DDX25: variants seen among roughly 807,000 people sequenced by gnomAD.
DDX25 encodes DEAD-box helicase 25.
Under a neutral mutation model 64.6 loss-of-function variants are expected in DDX25, and 70 were observed. The observed-to-expected ratio is 1.08, with a 90% confidence interval of 0.89 to 1.32. The LOEUF is 1.32. Among genes scored for constraint, DDX25 ranks in the 40% most tolerant of loss-of-function variants. DDX25 has a pLI of 0.00. For synonymous variants in DDX25, 211 were observed against 213.3 expected (o/e 0.99, Z 0.09); for missense variants, 587 against 604.4 (o/e 0.97, Z 0.30).
chr11:125,918,141 A>G (rs1945063873), intron 9 of DDX25, among the ~76,000 whole-genome samples: 1 of 152,138 alleles, frequency 6.6e-6, no homozygotes, highest in African/African-American at 2.4e-5. Flanking sequence ...TTGGCCTCCC[A>G]AAGTGCTGGG....
At chr11:125,916,621 A>AATG (rs1945041011) in intron 8 of DDX25, among the ~76,000 whole-genome samples, 1 of 152,156 alleles carries the variant, frequency 6.6e-6, no homozygotes. Flanking sequence ...CAAGATATAT[A>AATG]ATGCCTGCTG....
At chr11:125,916,023 C>G (rs1945031990) in intron 8 of DDX25, among the ~76,000 whole-genome samples, 1 of 152,170 alleles carries the variant, frequency 6.6e-6, no homozygotes, top group African/African-American at 2.4e-5. Context: ...GGTAGACGGT[C>G]TGACATCATT....
chr11:125,908,075 A>G, intron 4 of DDX25, 121 bp from the exon 5 acceptor site: 1 of 752,604 alleles, frequency 1.3e-6, no homozygotes, highest in Non-Finnish European at 2.1e-6. Flanking sequence ...TCTATCTCCA[A>G]ATACTAGTTT....
At position 125,922,993 on chromosome 11, in the gene DDX25, T is replaced by C; in HGVS notation, c.*112T>C. The stretch of plus-strand genomic sequence containing the variant: ...TTTTTCGACGTGAAACTGTCACAGA[T>C]GGCAAAATAAATGTCACGGTACTTA... On this transcript the variant is annotated 3_prime_UTR_variant, in exon 12 of 12. Transcript: ENST00000263576. The C allele has an allele frequency of 1.1e-6, 1 of 935,948 alleles. No individual in the cohort carries two copies. The highest frequency in any genetic ancestry group is 1.7e-5 in the African/African-American group (1 of 59,980). The allele number at this position is 935,948 out of a possible 1,614,324, so 58.0% of individuals were successfully genotyped here.
At position 125,926,612 on chromosome 11, in the gene DDX25, G is replaced by C. The variant is rs951020538; in HGVS notation, c.*3731G>C. On this transcript the variant is annotated 3_prime_UTR_variant, in exon 12 of 12. Transcript: ENST00000263576. ...GGCTGGAGTGCAGTGGCGTGATCTC[G>C]GCTCACTGCAAACTCTGCCTCCCCG... 6.6e-6 allele frequency: 1 copy of C among 150,686 alleles called. No homozygotes were observed. The highest frequency in any genetic ancestry group is 6.6e-5 in the Admixed American group (1 of 15,108). The allele number at this position is 150,686 out of a possible 1,614,324, so 9.3% of individuals were successfully genotyped here.
At chr11:125,915,187 TGTTG>T (rs1239946976) in intron 8 of DDX25, among the ~76,000 whole-genome samples, 1 of 152,208 alleles carries the variant, frequency 6.6e-6, no homozygotes, top group Non-Finnish European at 1.5e-5. Flanking sequence ...AGAGCATTTA[TGTTG>T]GTTGATCAGC....
At chr11:125,909,616 TGG>T (rs1429591993) in intron 6 of DDX25, among the ~76,000 whole-genome samples, 1 of 151,740 alleles carries the variant, frequency 6.6e-6, no homozygotes, top group East Asian at 1.9e-4. Context: ...ATAAACAGAT[TGG>T]ATCAAGCAAG....
chr11:125,906,188 A>C lies in DDX25; in HGVS notation c.290A>C (p.Lys97Thr). 6.5e-7 allele frequency: 1 copy of C among 1,539,534 alleles called. No individual in the cohort carries two copies. Among genetic ancestry groups the C allele is most frequent in the Non-Finnish European group, 8.7e-7 (1 of 1,143,932 alleles). Residue 97 changes from lysine to threonine, a missense_variant, in exon 4 of 12, where the codon AAG becomes ACG. Physicochemically the swap from Lys to Thr is moderately conservative, Grantham distance 78. Transcript: ENST00000263576. ...CCCAGCTCTCCACTTTACTCAGTAA[A>C]GACATTTGAAGAGCTGCGGCTGTGA... ...KDPSSPLYSV[K>T]TFEELRLKEE...
chr11:125,903,999 T>C (rs1427539367), upstream of DDX25, among the ~76,000 whole-genome samples: 6 of 152,246 alleles, frequency 3.9e-5, no homozygotes, highest in South Asian at 6.2e-4. Flanking sequence ...CTGCTTCCTT[T>C]CCGCAACTGT....
intron 10 of DDX25, among the ~76,000 whole-genome samples, chr11:125,920,362 G>A (rs963990986): frequency 8.6e-5 from 13 of 151,968 alleles, no homozygotes; most frequent in Non-Finnish European, 8.8e-5. Context: ...GCTTGAACCC[G>A]GGAGGCAGAG....
At position 125,922,911 on chromosome 11, in the gene DDX25, C is replaced by G. The variant is rs746280449; in HGVS notation, c.*30C>G. On this transcript the variant is annotated 3_prime_UTR_variant, in exon 12 of 12. Coordinates refer to ENST00000263576, the MANE Select transcript of DDX25 (RefSeq NM_013264.5). ...AGAACTTTATTGTTTGTGCAGTATCCTAGTTTATGTGAGAATGTCTCAGTG... is the reference window on the plus strand; with the variant it reads ...AGAACTTTATTGTTTGTGCAGTATCGTAGTTTATGTGAGAATGTCTCAGTG... The G allele has an allele frequency of 2.5e-6, 4 of 1,576,638 alleles. No homozygotes were observed. The Admixed American group carries it at 7.3e-5, about 29-fold the overall frequency.
chr11:125,922,558 G>A, intron 11 of DDX25: 1 of 360,742 alleles, frequency 2.8e-6, no homozygotes, highest in Non-Finnish European at 5.0e-6. Flanking sequence ...TGCAGTAGAA[G>A]AGCCTCAGTC....
intron 7 of DDX25, 45 bp from the exon 8 acceptor site, chr11:125,911,266 A>G: frequency 6.5e-7 from 1 of 1,546,136 alleles, no homozygotes; most frequent in Non-Finnish European, 8.7e-7. Context: ...GACCTGTTGG[A>G]GTTGTTTGCA....
At position 125,917,709 on chromosome 11, in the gene DDX25, A is replaced by T. The variant is rs543508181; in HGVS notation, c.1038+458A>T. On this transcript the variant is annotated intron_variant, in intron 9 of 11. Coordinates refer to ENST00000263576, the MANE Select transcript of DDX25 (RefSeq NM_013264.5). ...GGTCTCCTCTCTCTCATTCACTCCC[A>T]TATCCACTGCACTAGACCAGCACCT... is the stretch of plus-strand genomic sequence containing the variant. Among the ~76,000 whole-genome samples, 303 of 152,276 alleles carry T rather than the reference A, an allele frequency of 2.0e-3. 1 individual carries two copies. The highest frequency in any genetic ancestry group is 7.0e-3 in the African/African-American group (292 of 41,550).
chr11:125,924,053 G>C lies in DDX25; in HGVS notation c.*1172G>C, dbSNP rs1945145557. 6.6e-6 allele frequency: 1 copy of C among 152,252 alleles called. No individual in the cohort carries two copies. Among genetic ancestry groups the C allele is most frequent in the African/African-American group, 2.4e-5 (1 of 41,430 alleles). The allele number at this position is 152,252 out of a possible 1,614,324, so 9.4% of individuals were successfully genotyped here. ...GAGGCCAAGGAGGGCGGATCACGAG[G>C]TCAGGAGTTAAGACCAGCCTTACCA... On this transcript the variant is annotated 3_prime_UTR_variant, in exon 12 of 12. Transcript: ENST00000263576.
Position 125,928,716 on chromosome 11 carries a change from T to G in DDX25, c.*5835T>G, listed in dbSNP as rs1328488996. 5.9e-5 allele frequency: 9 copies of G among 152,252 alleles called. No homozygotes were observed. The highest frequency in any genetic ancestry group is 1.3e-4 in the Non-Finnish European group (9 of 68,030). 9.4% of individuals were successfully genotyped at this position (152,252 alleles called of 1,614,324 possible). A position where few individuals can be genotyped will look rare whatever the true frequency, so the allele number is the denominator to read the frequency against. ...AAAGTGGTTCATCATTTGAAAAGCA[T>G]CTGTAGTGTTCTTTGCCCATTTATC... On this transcript the variant is annotated 3_prime_UTR_variant, in exon 12 of 12. Transcript: ENST00000263576.
intron 10 of DDX25, chr11:125,920,925 C>T (rs1346334413): frequency 9.0e-4 from 186 of 206,246 alleles, no homozygotes; most frequent in South Asian, 1.9e-3. Flanking sequence ...CACATACACA[C>T]ACACACACAC....
intron 8 of DDX25, among the ~76,000 whole-genome samples, chr11:125,912,419 C>T (rs894774216): frequency 6.6e-6 from 1 of 152,176 alleles, no homozygotes; most frequent in African/African-American, 2.4e-5. Flanking sequence ...ATTACAGTTG[C>T]CCCTCCGTAT....
upstream of DDX25, chr11:125,904,398 C>T (rs1044261820): frequency 1.8e-5 from 18 of 992,948 alleles, no homozygotes; most frequent in Non-Finnish European, 2.4e-5. Flanking sequence ...CCGCGGTGGT[C>T]GCGGGCGCGG....
Sources: allele counts gnomAD v4.1 joint callset (sites outside exome capture counted in the v4.1 genomes callset), GRCh38; gene constraint gnomAD v4.1.1; transcripts MANE v1.5; gene names NCBI Gene and HGNC (gene_info 2026-07-23, HGNC 2026-07-21).